The following C11orf54 variants were observed in gnomAD, a reference collection of about 807,000 sequenced individuals.
C11orf54 encodes the protein beta-keto L-gulonate decarboxylase.
Under a neutral mutation model 35.5 loss-of-function variants are expected in C11orf54, and 29 were observed. The ratio of observed to expected loss-of-function variants is 0.82; its 90% CI spans 0.61 to 1.11. The LOEUF (loss-of-function observed/expected upper bound fraction) is 1.11. Among genes scored for constraint, C11orf54 ranks in the 50% most tolerant of loss-of-function variants. The probability of loss-of-function intolerance (pLI) is 0.00; values close to 1 mark genes in which losing one functional copy is unlikely to be tolerated. For synonymous variants in C11orf54, 108 were observed against 121.1 expected (o/e 0.89, Z 0.71); for missense variants, 373 against 369.2 (o/e 1.01, Z -0.08).
rs1943491101 is a variant in C11orf54 at position 93,761,746 on chromosome 11, A to T, written c.*58A>T. 1 of 1,447,606 alleles carries T rather than the reference A, an allele frequency of 6.9e-7. No homozygotes were observed. Among genetic ancestry groups the T allele is most frequent in the African/African-American group, 1.4e-5 (1 of 69,094 alleles). The allele number at this position is 1,447,606 out of a possible 1,614,324, so 89.7% of individuals were successfully genotyped here. ...TTAAGGTTAATTAATTGATTGACTT[A>T]TTAATTAATACTGATATAAAACCAA... On this transcript the variant is annotated 3_prime_UTR_variant, in exon 9 of 9. Transcript: ENST00000354421.
rs955572994 is a variant in C11orf54 at position 93,762,322 on chromosome 11, G to A, written c.*634G>A. The A allele has an allele frequency of 1.3e-5, 2 of 152,202 alleles. No individual in the cohort carries two copies. The highest frequency in any genetic ancestry group is 2.9e-5 in the Non-Finnish European group (2 of 68,034). 9.4% of individuals were successfully genotyped at this position (152,202 alleles called of 1,614,324 possible). On this transcript the variant is annotated 3_prime_UTR_variant, in exon 9 of 9. Coordinates refer to ENST00000354421, the MANE Select transcript of C11orf54 (RefSeq NM_001286069.2). ...GAAAAAGAGAAAAAGAAAAATCAGT[G>A]TTTAGAAATGTTGATAGTTATTGAA...
chr11:93,757,239 A>G (rs1649579651), intron 6 of C11orf54, 77 bp from the exon 7 acceptor site: 1 of 1,449,552 alleles, frequency 6.9e-7, no homozygotes, highest in South Asian at 1.3e-5. Context: ...GCTTGATAGA[A>G]TTAAATTATA....
chr11:93,758,816 A>G (rs1943304499), intron 7 of C11orf54, among the ~76,000 whole-genome samples: 1 of 152,248 alleles, frequency 6.6e-6, no homozygotes, highest in Non-Finnish European at 1.5e-5. Flanking sequence ...CAGGAGGCAG[A>G]CAGGTTCCGG....
chr11:93,759,778 G>T lies in C11orf54; in HGVS notation c.694G>T (p.Glu232Ter), dbSNP rs747509218. Residue 232 changes from glutamate to a stop codon, truncating the protein, a stop_gained, in exon 8 of 9, where the codon GAA becomes TAA. Coordinates refer to ENST00000354421, the MANE Select transcript of C11orf54 (RefSeq NM_001286069.2). LOFTEE classifies it high-confidence loss of function. ...EFSSCPLNSD[E>*]EVNKWLHFYE... ...TTCTTCCTGCCCCTTGAACTCTGATGAAGAAGTGAATAAATGGTTGCATTT... is the reference window on the plus strand; with the variant it reads ...TTCTTCCTGCCCCTTGAACTCTGATTAAGAAGTGAATAAATGGTTGCATTT... 6.2e-7 allele frequency: 1 copy of T among 1,609,330 alleles called. No homozygotes were observed. Among genetic ancestry groups the T allele is most frequent in the Non-Finnish European group, 8.5e-7 (1 of 1,176,906 alleles).
In C11orf54 at chr11:93,755,295, G is replaced by T; in HGVS notation, c.416G>T (p.Gly139Val). 1.2e-6 allele frequency: 2 copies of T among 1,614,030 alleles called. No homozygotes were observed. Among genetic ancestry groups the T allele is most frequent in the Non-Finnish European group, 1.7e-6 (2 of 1,179,936 alleles). ...YFAHVNPADG[G>V]CLLEKYSEKC... ...GCCCATGTGAACCCTGCAGATGGAG[G>T]GTGCCTACTGGAGAAATACAGTGAG... The change falls in exon 6 of 9, where the codon GGG (glycine) becomes GTG (valine). Residue 139 changes from glycine to valine, a missense_variant. Gly to Val is a moderately radical substitution (Grantham distance 109, BLOSUM62 -3). Coordinates refer to ENST00000354421, the MANE Select transcript of C11orf54 (RefSeq NM_001286069.2).
chr11:93,756,380 C>G (rs1448802515), intron 6 of C11orf54, among the ~76,000 whole-genome samples: 1 of 148,596 alleles, frequency 6.7e-6, no homozygotes, highest in East Asian at 2.0e-4. Context: ...ATAGTCCTAG[C>G]TACTCAGGAG....
Position 93,761,739 on chromosome 11 carries a change from T to TAAG in C11orf54, c.*51_*52insAAG. The TAAG allele has an allele frequency of 6.8e-7, 1 of 1,480,320 alleles. No homozygotes were observed. Among genetic ancestry groups the TAAG allele is most frequent in the Non-Finnish European group, 9.1e-7 (1 of 1,097,950 alleles). 91.7% of individuals were successfully genotyped at this position (1,480,320 alleles called of 1,614,324 possible). A position where few individuals can be genotyped will look rare whatever the true frequency, so the allele number is the denominator to read the frequency against. On this transcript the variant is annotated 3_prime_UTR_variant, in exon 9 of 9. Transcript: ENST00000354421. The stretch of plus-strand genomic sequence containing the variant: ...GAAATAATTAAGGTTAATTAATTGA[T>TAAG]TGACTTATTAATTAATACTGATATA...
At chr11:93,759,668 A>C in intron 7 of C11orf54, 74 bp from the exon 8 acceptor site, 26 of 652,050 alleles carry the variant, frequency 4.0e-5, no homozygotes, top group South Asian at 1.2e-4. Context: ...ATAAATAAGT[A>C]AAATATATTT....
At chr11:93,748,280 C>G (rs1484311474) in intron 2 of C11orf54, among the ~76,000 whole-genome samples, 1 of 151,782 alleles carries the variant, frequency 6.6e-6, no homozygotes, top group Non-Finnish European at 1.5e-5. Flanking sequence ...TCTGTCTTCC[C>G]TAATATGACA....
intron 5 of C11orf54, chr11:93,754,926 T>G (rs6483265): frequency 0.56 from 108,963 of 193,950 alleles, 32,215 homozygotes; most frequent in Admixed American, 0.68. Flanking sequence ...TAGAGACAGG[T>G]TTTCACCATG....
chr11:93,745,187 G>A (rs1212889923), intron 1 of C11orf54, among the ~76,000 whole-genome samples: 14 of 152,178 alleles, frequency 9.2e-5, no homozygotes, highest in African/African-American at 2.4e-5. Flanking sequence ...GGATATGCGG[G>A]AAACAGAGGC....
In C11orf54 at chr11:93,753,926, T is replaced by C. The variant is rs563584059; in HGVS notation, c.229-10T>C. ...TTGTGACTTAAATAATATTTTTTCC[T>C]CTTCTATAGGTTTATGATCTGAATA... On this transcript the variant is annotated splice_polypyrimidine_tract_variant and intron_variant, in intron 4 of 8. Coordinates refer to ENST00000354421, the MANE Select transcript of C11orf54 (RefSeq NM_001286069.2). 1.3e-5 allele frequency: 21 copies of C among 1,609,812 alleles called. No homozygotes were observed. In the Middle Eastern group the frequency reaches 8.3e-4, roughly 64 times the overall value.
At position 93,753,970 on chromosome 11, in the gene C11orf54, A is replaced by G. The variant is rs1942985519; in HGVS notation, c.263A>G (p.Lys88Arg). 1.2e-6 allele frequency: 2 copies of G among 1,614,144 alleles called. No individual in the cohort carries two copies. The highest frequency in any genetic ancestry group is 1.7e-6 in the Non-Finnish European group (2 of 1,179,990). ...YDLNKIAKEIKLPGAFILGAG... is the reference protein window; with the variant it reads ...YDLNKIAKEIRLPGAFILGAG... Reference sequence around the variant, plus strand: ...CTGAATAAAATTGCAAAAGAAATCAAGCTGCCTGGAGCCTTTATTCTTGGA... The same window carrying G: ...CTGAATAAAATTGCAAAAGAAATCAGGCTGCCTGGAGCCTTTATTCTTGGA... Residue 88 changes from lysine to arginine, a missense_variant, in exon 5 of 9, where the codon AAG becomes AGG. Coordinates refer to ENST00000354421, the MANE Select transcript of C11orf54 (RefSeq NM_001286069.2).
chr11:93,753,741 G>A lies in C11orf54; in HGVS notation c.214G>A (p.Val72Ile), dbSNP rs1434982221. The A allele has an allele frequency of 1.9e-6, 3 of 1,613,280 alleles. No individual in the cohort carries two copies. Among genetic ancestry groups the A allele is most frequent in the East Asian group, 2.2e-5 (1 of 44,846 alleles). ...AGGTGTGCCTTACTTATTGCCTCTT[G>A]TAAACCAAAAAAAAGTAAGTACTTT... ...VGGVPYLLPL[V>I]NQKKVYDLNK... The change falls in exon 4 of 9, where the codon GTA (valine) becomes ATA (isoleucine). Residue 72 changes from valine (V) to isoleucine (I), a missense_variant. Coordinates refer to ENST00000354421, the MANE Select transcript of C11orf54 (RefSeq NM_001286069.2).
In C11orf54 at chr11:93,763,397, T is replaced by A. The variant is rs666136; in HGVS notation, c.*1709T>A. The A allele has an allele frequency of 0.55, 84,232 of 151,948 alleles. 24,759 individuals carry two copies. Among genetic ancestry groups the A allele is most frequent in the Admixed American group, 0.69 (10,535 of 15,248 alleles). The allele number at this position is 151,948 out of a possible 1,614,324, so 9.4% of individuals were successfully genotyped here. On this transcript the variant is annotated 3_prime_UTR_variant, in exon 9 of 9. Coordinates refer to ENST00000354421, the MANE Select transcript of C11orf54 (RefSeq NM_001286069.2). ...TGTAAAGGAGGATGCTATTTTTTTG[T>A]GGCCATCCCGCACTGAGACAGGATG...
intron 2 of C11orf54, among the ~76,000 whole-genome samples, chr11:93,748,679 T>G (rs1942624057): frequency 6.6e-6 from 1 of 150,542 alleles, no homozygotes; most frequent in Non-Finnish European, 1.5e-5. Context: ...CTACTAAAAA[T>G]ACAAAAATTA....
chr11:93,758,894 C>T (rs1487455784), intron 7 of C11orf54, among the ~76,000 whole-genome samples: 2 of 152,226 alleles, frequency 1.3e-5, no homozygotes, highest in Non-Finnish European at 2.9e-5. Flanking sequence ...GGCTGGGGGC[C>T]CAGCTGCCAA....
intron 1 of C11orf54, chr11:93,746,521 A>G (rs879829036): frequency 5.9e-5 from 9 of 152,238 alleles, no homozygotes; most frequent in African/African-American, 1.7e-4. Context: ...TATTTGTTAC[A>G]AAGTATACTT....
At chr11:93,759,571 A>T (rs898780030) in intron 7 of C11orf54, among the ~76,000 whole-genome samples, 171 bp from the exon 8 acceptor site, 9 of 152,148 alleles carry the variant, frequency 5.9e-5, no homozygotes, top group Admixed American at 2.0e-4. Context: ...GGTGCAGCAA[A>T]CCACCAGGGT....
Sources: gnomAD v4.1 joint callset for allele counts (sites outside exome capture counted in the v4.1 genomes callset) on GRCh38, gnomAD v4.1.1 for gene constraint, MANE v1.5 for transcripts, NCBI Gene and HGNC (gene_info 2026-07-23, HGNC 2026-07-21) for gene names.